Variants in FASN observed in about 807,000 individuals in gnomAD.
FASN encodes the protein fatty acid synthase, also known as 3-hydroxyacyl-[acyl-carrier-protein] dehydratase.
A neutral mutation model predicts 250.0 loss-of-function variants in FASN; 50 were observed. The ratio of observed to expected loss-of-function variants is 0.20; its 90% CI spans 0.16 to 0.25. The LOEUF (loss-of-function observed/expected upper bound fraction) is 0.25, where lower values mean the gene tolerates loss of function less well. FASN is among the 10% of genes least tolerant of loss of function. The pLI is 1.00. For synonymous variants in FASN, 1,909 were observed against 1,584.0 expected (o/e 1.21, Z -4.87); for missense variants, 3,031 against 3,498.5 (o/e 0.87, Z 3.37).
At chr17:82,079,771 G>A (rs1024456472) in intron 41 of FASN, 163 bp from the exon 42 acceptor site, 13 of 993,262 alleles carry the variant, frequency 1.3e-5, no homozygotes, top group South Asian at 3.4e-5. Flanking sequence ...CCACCTACCC[G>A]GTTCAAGCGA....
chr17:82,085,495 C>T lies in FASN; in HGVS notation c.4109G>A (p.Gly1370Asp). The part of the protein sequence containing the change: ...LTSTEPQYGQ[G>D]ILSQDAWESL... ...CGGCGGCCGCACCTGGCTCAGGATGCCCTGGCCATACTGCGGCTCAGTGGA... is the reference window on the plus strand; with the variant it reads ...CGGCGGCCGCACCTGGCTCAGGATGTCCTGGCCATACTGCGGCTCAGTGGA... Residue 1370 changes from glycine to aspartate, a missense_variant, in exon 23 of 43, where the codon GGC becomes GAC. Coordinates refer to ENST00000306749, the MANE Select transcript of FASN (RefSeq NM_004104.5). 1 of 1,592,926 alleles carries T rather than the reference C, an allele frequency of 6.3e-7. No homozygotes were observed. The highest frequency in any genetic ancestry group is 8.5e-7 in the Non-Finnish European group (1 of 1,170,574).
At position 82,092,338 on chromosome 17, in the gene FASN, C is replaced by T. The variant is rs1054557119; in HGVS notation, c.1029+117G>A. On this transcript the variant is annotated intron_variant, in intron 8 of 42. Coordinates refer to ENST00000306749, the MANE Select transcript of FASN (RefSeq NM_004104.5). ...AGCATAGCCCGGGGGACAGAGGCTCCTGGTGGGGAAGCCCCCGCCTCCACT... is the reference window on the plus strand; with the variant it reads ...AGCATAGCCCGGGGGACAGAGGCTCTTGGTGGGGAAGCCCCCGCCTCCACT... The T allele has an allele frequency of 6.3e-6, 7 of 1,117,938 alleles. No individual in the cohort carries two copies. The Admixed American group carries it at 1.4e-4, about 23-fold the overall frequency. The allele number at this position is 1,117,938 out of a possible 1,614,324, so 69.3% of individuals were successfully genotyped here. A position where few individuals can be genotyped will look rare whatever the true frequency, so the allele number is the denominator to read the frequency against.
At position 82,081,759 on chromosome 17, in the gene FASN, G is replaced by A. The variant is rs750295227; in HGVS notation, c.6248C>T (p.Thr2083Met). The change falls in exon 37 of 43, where the codon ACG (threonine) becomes ATG (methionine). Residue 2083 changes from threonine (T) to methionine (M), a missense_variant. Thr to Met is a moderately conservative substitution (Grantham distance 81). Transcript: ENST00000306749. Reference protein sequence around the residue: ...MSTNDTIVSGTLPQRMASCLE... With the variant: ...MSTNDTIVSGMLPQRMASCLE... ...GCAGGACGCCATGCGCTGGGGCAGC[G>A]TGCCACTGACGATCGTGTCGTTGGT... 1.2e-6 allele frequency: 2 copies of A among 1,612,734 alleles called. No individual in the cohort carries two copies. The highest frequency in any genetic ancestry group is 2.2e-5 in the South Asian group (2 of 91,082).
chr17:82,093,202 C>T lies in FASN; in HGVS notation c.655+17G>A, dbSNP rs17848961. On this transcript the variant is annotated intron_variant, in intron 5 of 42. Transcript: ENST00000306749. The stretch of plus-strand genomic sequence containing the variant: ...GCCACTGTCCCGCCTGCCCTGGCCG[C>T]GCAGCCGCACACTCACCCGCTGTGT... The T allele has an allele frequency of 6.7e-5, 105 of 1,562,606 alleles. No homozygotes were observed. Among genetic ancestry groups the T allele is most frequent in the East Asian group, 2.8e-4 (12 of 42,292 alleles).
intron 41 of FASN, 28 bp downstream of exon 41, chr17:82,080,112 T>A (rs370692974): frequency 1.2e-6 from 2 of 1,604,830 alleles, no homozygotes; most frequent in African/African-American, 2.7e-5. Flanking sequence ...CTCTGGGTCC[T>A]GCGGCCTCAG....
rs188321528 is a variant in FASN, at chr17:82,095,291, G to A, written c.280+29C>T. On this transcript the variant is annotated intron_variant, in intron 3 of 42. Coordinates refer to ENST00000306749, the MANE Select transcript of FASN (RefSeq NM_004104.5). ...TTCCACGTGAGCAGCAGGAGCCCTC[G>A]GCGCAGCAGTCGCGAATGCCCGACC... is the stretch of plus-strand genomic sequence containing the variant. 1,305 of 1,611,406 alleles carry A rather than the reference G, an allele frequency of 8.1e-4. 4 individuals carry two copies. The highest frequency in any genetic ancestry group is 3.0e-3 in the Middle Eastern group (18 of 6,062).
rs375434672 is a variant in FASN at position 82,084,911 on chromosome 17, C to T, written c.4452G>A (p.Pro1484=). ...LSNLSSTSHV[P]EVDPGSAELQ... is the part of the protein sequence containing the mutation. ...GTTCTGCGGAGCCCGGGTCCACCTCCGGGACGTGGGAGGTGCTGCTGAGGT... is the reference window on the plus strand; with the variant it reads ...GTTCTGCGGAGCCCGGGTCCACCTCTGGGACGTGGGAGGTGCTGCTGAGGT... Residue 1484 remains proline, a synonymous_variant, in exon 26 of 43, where the codon CCG becomes CCA. Coordinates refer to ENST00000306749, the MANE Select transcript of FASN (RefSeq NM_004104.5). 57 of 1,551,788 alleles carry T rather than the reference C, an allele frequency of 3.7e-5. No individual in the cohort carries two copies. The highest frequency in any genetic ancestry group is 1.7e-4 in the Middle Eastern group (1 of 6,010).
Position 82,081,252 on chromosome 17 carries a change from C to T in FASN, c.6507G>A (p.Glu2169=). The T allele has an allele frequency of 6.3e-7, 1 of 1,580,456 alleles. No homozygotes were observed. The change falls in exon 38 of 43, where the codon GAG becomes GAA. Residue 2169 remains glutamate, a synonymous_variant. Coordinates refer to ENST00000306749, the MANE Select transcript of FASN (RefSeq NM_004104.5). ...CGCGCACGGACAGCACCAGGTTGAG[C>T]TCACGCTCCAGCGTCTGGCGCACCT... ...SVEVRQTLER[E]LNLVLSVREV... is the part of the protein sequence containing the mutation.
In FASN at chr17:82,082,670, C is replaced by T. The variant is rs748785221; in HGVS notation, c.5776G>A (p.Ala1926Thr). 8.7e-6 allele frequency: 14 copies of T among 1,608,766 alleles called. No homozygotes were observed. The highest frequency in any genetic ancestry group is 1.2e-5 in the Non-Finnish European group (14 of 1,179,850). The change falls in exon 34 of 43, where the codon GCC (alanine) becomes ACC (threonine). Residue 1926 changes from alanine (A) to threonine (T), a missense_variant. Coordinates refer to ENST00000306749, the MANE Select transcript of FASN (RefSeq NM_004104.5). ...CGCCTCCACCGGCGGACCTGCTTGG[C>T]CTGGTAGCCTGCGGGACACAGGACT... ...SRSGIRTGYQAKQVRRWRRQG... is the reference protein window; with the variant it reads ...SRSGIRTGYQTKQVRRWRRQG...
Position 82,084,883 on chromosome 17 carries a change from G to A in FASN, c.4480C>T (p.Gln1494Ter), listed in dbSNP as rs1244696318. The A allele has an allele frequency of 6.4e-7, 1 of 1,550,920 alleles. No individual in the cohort carries two copies. The highest frequency in any genetic ancestry group is 8.7e-7 in the Non-Finnish European group (1 of 1,147,210). The change falls in exon 26 of 43, where the codon CAG (glutamine) becomes TAG (stop). Residue 1494 changes from glutamine to a stop codon, truncating the protein, a stop_gained. Transcript: ENST00000306749. LOFTEE classifies it high-confidence loss of function. ...ACCAGGTCTCCCTGCAACACCTTCT[G>A]CAGTTCTGCGGAGCCCGGGTCCACC... ...PEVDPGSAEL[Q>*]KVLQGDLVMN... is the part of the protein sequence containing the mutation.
At position 82,079,079 on chromosome 17, in the gene FASN, G is replaced by GGGGGAGGGGT. The variant is rs2033940603; in HGVS notation, c.*63_*64insACCCCTCCCC. The stretch of plus-strand genomic sequence containing the variant: ...GGACCCTTCAATCCCGTTGCATGGC[G>GGGGGAGGGGT]GGGGTGGGGTGGGGTGGGGTGGGGA... On this transcript the variant is annotated 3_prime_UTR_variant, in exon 43 of 43. Transcript: ENST00000306749. 1 of 1,492,048 alleles carries GGGGGAGGGGT rather than the reference G, an allele frequency of 6.7e-7. No individual in the cohort carries two copies. Among genetic ancestry groups the GGGGGAGGGGT allele is most frequent in the Non-Finnish European group, 9.0e-7 (1 of 1,109,312 alleles). 92.4% of individuals were successfully genotyped at this position (1,492,048 alleles called of 1,614,324 possible). A position where few individuals can be genotyped will look rare whatever the true frequency, so the allele number is the denominator to read the frequency against.
rs11550614 is a variant in FASN at position 82,082,118 on chromosome 17, G to C, written c.6054C>G (p.Val2018=). ...CACGCCCGCAGCTCACAGAGGAGAA[G>C]ACCACAAAGTAGTCCAGCTCAGGGC... ...EACPELDYFV[V]FSSVSCGRGN... Residue 2018 remains valine (V), a synonymous_variant, in exon 36 of 43, where the codon GTC becomes GTG. Transcript: ENST00000306749. 6.2e-7 allele frequency: 1 copy of C among 1,607,512 alleles called. No individual in the cohort carries two copies. The highest frequency in any genetic ancestry group is 1.3e-5 in the African/African-American group (1 of 74,914).
rs957995200 is a variant in FASN at position 82,095,478 on chromosome 17, G to T, written c.128-6C>A. 3.1e-6 allele frequency: 5 copies of T among 1,611,436 alleles called. No individual in the cohort carries two copies. The African/African-American group carries it at 6.7e-5, about 22-fold the overall frequency. ...CCGGGGCAGGCCGTAGAGCCCTGTG[G>T]GACAGGCGGGTGTTTAAATCTCTGA... On this transcript the variant is annotated splice_polypyrimidine_tract_variant and splice_region_variant and intron_variant, in intron 2 of 42. Transcript: ENST00000306749.
chr17:82,088,804 G>C lies in FASN; in HGVS notation c.2377C>G (p.Leu793Val), dbSNP rs1202848616. ...PLMKKDHRDN[L>V]EFFLAGIGRL... The stretch of plus-strand genomic sequence containing the variant: ...CCGATGCCGGCCAGGAAGAACTCCA[G>C]GTTGTCCCTGTGATCCTTCTTCATC... The change falls in exon 15 of 43, where the codon CTG (leucine) becomes GTG (valine). Residue 793 changes from leucine to valine, a missense_variant. Physicochemically the swap from Leu to Val is conservative, Grantham distance 32. Coordinates refer to ENST00000306749, the MANE Select transcript of FASN (RefSeq NM_004104.5). The C allele has an allele frequency of 1.2e-6, 2 of 1,612,584 alleles. No individual in the cohort carries two copies. Among genetic ancestry groups the C allele is most frequent in the South Asian group, 1.1e-5 (1 of 91,082 alleles).
Position 82,092,684 on chromosome 17 carries a change from G to A in FASN, c.894+13C>T, listed in dbSNP as rs781267024. 8.1e-6 allele frequency: 11 copies of A among 1,361,268 alleles called. No individual in the cohort carries two copies. The East Asian group carries it at 1.2e-4, about 15-fold the overall frequency. 84.3% of individuals were successfully genotyped at this position (1,361,268 alleles called of 1,614,324 possible). ...CATGGGGTGGTGAGTGGGGCGGGGG[G>A]GGGGGGCATCACCTTGGTGCCTGTG... On this transcript the variant is annotated intron_variant, in intron 7 of 42. Transcript: ENST00000306749.
chr17:82,088,027 C>A lies in FASN; in HGVS notation c.2793G>T (p.Val931=). The A allele has an allele frequency of 6.2e-7, 1 of 1,612,766 alleles. No homozygotes were observed. The highest frequency in any genetic ancestry group is 1.1e-5 in the South Asian group (1 of 91,084). ...CCTCCAGGAGCCGTACCTCCAGGGA[C>A]ACTGTCCCTGCAGAGCGGGAGAGTT... ...QATILPKTGT[V]SLEVRLLEAS... is the part of the protein sequence containing the mutation. Residue 931 remains valine (V), a synonymous_variant, in exon 18 of 43, where the codon GTG becomes GTT. Coordinates refer to ENST00000306749, the MANE Select transcript of FASN (RefSeq NM_004104.5).
chr17:82,085,566 T>C lies in FASN; in HGVS notation c.4038A>G (p.Thr1346=). ...LREGGFLLLH[T]LLRGHPLGDI... ...CCCCGAGGGGGTGCCCCCGGAGCAG[T>C]GTGTGCAGGAGCAGAAAGCCCCCTT... Residue 1346 remains threonine (T), a synonymous_variant, in exon 23 of 43, where the codon ACA becomes ACG. Coordinates refer to ENST00000306749, the MANE Select transcript of FASN (RefSeq NM_004104.5). The C allele has an allele frequency of 3.1e-6, 5 of 1,596,488 alleles. No individual in the cohort carries two copies. Among genetic ancestry groups the C allele is most frequent in the Non-Finnish European group, 4.3e-6 (5 of 1,172,324 alleles).
At chr17:82,095,097 T>C (rs1053606420) in intron 3 of FASN, among the ~76,000 whole-genome samples, 1 of 151,996 alleles carries the variant, frequency 6.6e-6, no homozygotes, top group Non-Finnish European at 1.5e-5. Context: ...ACTGGTACGC[T>C]CAGGTCAGGG....
chr17:82,089,864 G>T, intron 11 of FASN, 138 bp from the exon 12 acceptor site: 1 of 786,848 alleles, frequency 1.3e-6, no homozygotes, highest in Non-Finnish European at 2.1e-6. Flanking sequence ...CATGAGAAAG[G>T]TTCGCCCCCT....
Sources: allele counts gnomAD v4.1 joint callset (sites outside exome capture counted in the v4.1 genomes callset), GRCh38; gene constraint gnomAD v4.1.1; transcripts MANE v1.5; gene names NCBI Gene and HGNC (gene_info 2026-07-23, HGNC 2026-07-21).